Variants in ATP2B4 observed in about 807,000 individuals in gnomAD.
ATP2B4 encodes plasma membrane calcium-transporting ATPase 4.
ATP2B4 carries 39 observed loss-of-function variants against 110.3 expected under a neutral mutation model. The observed-to-expected ratio is 0.35, with a 90% CI of 0.27 to 0.46. The LOEUF (loss-of-function observed/expected upper bound fraction) is 0.46, where lower values mean the gene tolerates loss of function less well. ATP2B4 is among the 20% of genes least tolerant of loss of function. The probability of loss-of-function intolerance (pLI) is 1.00; values close to 1 mark genes in which losing one functional copy is unlikely to be tolerated. For synonymous variants in ATP2B4, 538 were observed against 571.7 expected (o/e 0.94, Z 0.84); for missense variants, 1,135 against 1,530.9 (o/e 0.74, Z 4.32).
At chr1:203,709,087 G>A (rs911656350) in intron 10 of ATP2B4, among the ~76,000 whole-genome samples, 5 of 152,156 alleles carry the variant, frequency 3.3e-5, no homozygotes, top group Non-Finnish European at 5.9e-5. Context: ...AACCTGGGAG[G>A]TGGAGGTTGC....
intron 1 of ATP2B4, among the ~76,000 whole-genome samples, chr1:203,678,997 T>C (rs1003565743): frequency 2.0e-5 from 3 of 152,214 alleles, no homozygotes; most frequent in African/African-American, 4.8e-5. Context: ...TTAATGATCA[T>C]GTAAAGCATT....
At chr1:203,735,863 T>C (rs1010391872) in intron 20 of ATP2B4, among the ~76,000 whole-genome samples, 6 of 152,136 alleles carry the variant, frequency 3.9e-5, no homozygotes, top group African/African-American at 1.4e-4. Flanking sequence ...GATATCCTGA[T>C]GGTTTGATGG....
chr1:203,695,315 G>A (rs941403941), intron 2 of ATP2B4, among the ~76,000 whole-genome samples: 1 of 152,222 alleles, frequency 6.6e-6, no homozygotes, highest in East Asian at 1.9e-4. Context: ...GCAAGGCCCT[G>A]CCCCTTTGGC....
At chr1:203,676,356 A>T (rs1424681664) in intron 1 of ATP2B4, among the ~76,000 whole-genome samples, 1 of 151,866 alleles carries the variant, frequency 6.6e-6, no homozygotes, top group Admixed American at 6.6e-5. Context: ...GACCTGAGGG[A>T]TTGGAAGTGG....
At chr1:203,672,324 CTTTTTTTTTTTTTTT>C (rs57144862) in intron 1 of ATP2B4, among the ~76,000 whole-genome samples, 13 of 79,612 alleles carry the variant, frequency 1.6e-4, no homozygotes, top group African/African-American at 2.3e-4. Flanking sequence ...TGCGGTGGCT[CTTTTTTTTTTTTTTT>C]TTTTTTTTTT....
chr1:203,635,712 C>T (rs1384172362), intron 1 of ATP2B4, among the ~76,000 whole-genome samples: 1 of 152,000 alleles, frequency 6.6e-6, no homozygotes, highest in Non-Finnish European at 1.5e-5. Context: ...TTTTTTTCAA[C>T]CTTTCAGGTT....
intron 8 of ATP2B4, among the ~76,000 whole-genome samples, chr1:203,705,235 C>T (rs994188051): frequency 1.3e-5 from 2 of 152,232 alleles, no homozygotes; most frequent in African/African-American, 2.4e-5. Context: ...TCTTCATGTC[C>T]ATTCTGGTAC....
At position 203,709,408 on chromosome 1, in the gene ATP2B4, T is replaced by C. The variant is rs74402274; in HGVS notation, c.1665T>C (p.Asn555=). Reference sequence around the variant, plus strand: ...AGCAGGATTATCAGGCTGTGCGTAATGAAGTGCCCGAGGAGAAGCTCTACA... The same window carrying C: ...AGCAGGATTATCAGGCTGTGCGTAACGAAGTGCCCGAGGAGAAGCTCTACA... ...DLKQDYQAVR[N]EVPEEKLYKV... is the part of the protein sequence containing the mutation. The change falls in exon 11 of 21, where the codon AAT becomes AAC. Residue 555 remains asparagine, a synonymous_variant. Coordinates refer to ENST00000357681, the MANE Select transcript of ATP2B4 (RefSeq NM_001684.5). 4,823 of 1,614,186 alleles carry C rather than the reference T, an allele frequency of 3.0e-3. 129 individuals are homozygous for C. The African/African-American group carries it at 0.056, about 19-fold the overall frequency.
At position 203,683,038 on chromosome 1, in the gene ATP2B4, G is replaced by A. The variant is rs1217558832; in HGVS notation, c.-168G>A. On this transcript the variant is annotated 5_prime_UTR_variant, in exon 2 of 21. Coordinates refer to ENST00000357681, the MANE Select transcript of ATP2B4 (RefSeq NM_001684.5). ...GGAAGAAAGGATCTAGACTTCGGAC[G>A]GCTACTCGGGAGCTTATTGCACAAG... 14 of 643,598 alleles carry A rather than the reference G, an allele frequency of 2.2e-5. No individual in the cohort carries two copies. In the East Asian group the frequency reaches 3.4e-4, roughly 16 times the overall value. 39.9% of individuals were successfully genotyped at this position (643,598 alleles called of 1,614,324 possible). A position where few individuals can be genotyped will look rare whatever the true frequency, so the allele number is the denominator to read the frequency against.
At position 203,683,084 on chromosome 1, in the gene ATP2B4, C is replaced by G; in HGVS notation, c.-122C>G. 1 of 1,112,204 alleles carries G rather than the reference C, an allele frequency of 9.0e-7. No homozygotes were observed. The highest frequency in any genetic ancestry group is 1.3e-6 in the Non-Finnish European group (1 of 775,150). 68.9% of individuals were successfully genotyped at this position (1,112,204 alleles called of 1,614,324 possible). A position where few individuals can be genotyped will look rare whatever the true frequency, so the allele number is the denominator to read the frequency against. The stretch of plus-strand genomic sequence containing the variant: ...ACAAGATATATTCAATCTATTCCCT[C>G]ACTGGGCCCCCAGAGAAGCAAGAAG... On this transcript the variant is annotated 5_prime_UTR_variant, in exon 2 of 21. Transcript: ENST00000357681.
In ATP2B4 at chr1:203,675,517, C is replaced by T. The variant is rs141216717; in HGVS notation, c.-464-7225C>T. On this transcript the variant is annotated intron_variant, in intron 1 of 20. Coordinates refer to ENST00000357681, the MANE Select transcript of ATP2B4 (RefSeq NM_001684.5). ...GTAGCCAGGACTAGATGACTGGGTC[C>T]ACAGCATGCATAGATGTAGTTTGAC... Among the ~76,000 whole-genome samples, 7 of 152,296 alleles carry T rather than the reference C, an allele frequency of 4.6e-5. No homozygotes were observed. The East Asian group carries it at 1.4e-3, about 29-fold the overall frequency.
In ATP2B4 at chr1:203,711,024, G is replaced by C; in HGVS notation, c.1947G>C (p.Glu649Asp). ...CTTACCGGGACTTCGATGACACAGA[G>C]CCCTCTTGGGACAATGAGAATGAGA... is the stretch of plus-strand genomic sequence containing the variant. ...CIAYRDFDDTEPSWDNENEIL... is the reference protein window; with the variant it reads ...CIAYRDFDDTDPSWDNENEIL... The change falls in exon 12 of 21, where the codon GAG becomes GAC. Residue 649 changes from glutamate (E) to aspartate (D), a missense_variant. Glu to Asp is a conservative substitution (Grantham distance 45, BLOSUM62 2). Coordinates refer to ENST00000357681, the MANE Select transcript of ATP2B4 (RefSeq NM_001684.5). 6.2e-7 allele frequency: 1 copy of C among 1,614,096 alleles called. No homozygotes were observed. The highest frequency in any genetic ancestry group is 1.1e-5 in the South Asian group (1 of 91,072).
chr1:203,711,955 C>A lies in ATP2B4; in HGVS notation c.2032-5C>A. The A allele has an allele frequency of 6.2e-7, 1 of 1,613,892 alleles. No individual in the cohort carries two copies. Among genetic ancestry groups the A allele is most frequent in the Non-Finnish European group, 8.5e-7 (1 of 1,179,854 alleles). ...GCGCCTTTCCCCTTTCTTCACTCTC[C>A]ATAGGTGCCAGATGCTATTGCCAAA... On this transcript the variant is annotated splice_polypyrimidine_tract_variant and splice_region_variant and intron_variant, in intron 12 of 20. Transcript: ENST00000357681.
At chr1:203,738,911 G>A (rs1283676705) in intron 20 of ATP2B4, among the ~76,000 whole-genome samples, 1 of 152,150 alleles carries the variant, frequency 6.6e-6, no homozygotes, top group Non-Finnish European at 1.5e-5. Context: ...TGGCTGAAAG[G>A]GCAAATTATT....
At position 203,683,062 on chromosome 1, in the gene ATP2B4, A is replaced by G; in HGVS notation, c.-144A>G. On this transcript the variant is annotated 5_prime_UTR_variant, in exon 2 of 21. Coordinates refer to ENST00000357681, the MANE Select transcript of ATP2B4 (RefSeq NM_001684.5). ...CGGCTACTCGGGAGCTTATTGCACA[A>G]GATATATTCAATCTATTCCCTCACT... is the stretch of plus-strand genomic sequence containing the variant. 1.1e-6 allele frequency: 1 copy of G among 875,870 alleles called. No individual in the cohort carries two copies. Among genetic ancestry groups the G allele is most frequent in the South Asian group, 1.8e-5 (1 of 55,256 alleles). The allele number at this position is 875,870 out of a possible 1,614,324, so 54.3% of individuals were successfully genotyped here.
intron 19 of ATP2B4, 119 bp downstream of exon 19, chr1:203,724,107 T>G: frequency 2.6e-6 from 2 of 761,112 alleles, no homozygotes; most frequent in Non-Finnish European, 4.1e-6. Flanking sequence ...TCTTCTCCTC[T>G]TCCCTCCCCA....
intron 1 of ATP2B4, among the ~76,000 whole-genome samples, chr1:203,638,244 G>A (rs1291902988): frequency 2.0e-5 from 3 of 152,162 alleles, no homozygotes; most frequent in Non-Finnish European, 4.4e-5. Context: ...CTCGCTGGAA[G>A]GCCTCCAGCC....
intron 1 of ATP2B4, among the ~76,000 whole-genome samples, chr1:203,650,101 A>G (rs1164178212): frequency 2.6e-5 from 4 of 152,224 alleles, no homozygotes; most frequent in African/African-American, 7.2e-5. Flanking sequence ...GAACCAGCCC[A>G]GTTTTTGCCC....
Position 203,703,721 on chromosome 1 carries a change from A to C in ATP2B4, c.1007A>C (p.Glu336Ala). Residue 336 changes from glutamate (E) to alanine (A), a missense_variant, in exon 8 of 21, where the codon GAA becomes GCA. Coordinates refer to ENST00000357681, the MANE Select transcript of ATP2B4 (RefSeq NM_001684.5). ...LNSQEGIDNE[E>A]KDKKAVKVPK... ...AGCCAGGAGGGAATCGACAATGAGG[A>C]AAAGGACAAGAAGGCAGTCAAGGTG... 1.9e-6 allele frequency: 3 copies of C among 1,614,158 alleles called. No individual in the cohort carries two copies. In the South Asian group the frequency reaches 3.3e-5, roughly 18 times the overall value.
Sources: allele counts gnomAD v4.1 joint callset (sites outside exome capture counted in the v4.1 genomes callset), GRCh38; gene constraint gnomAD v4.1.1; transcripts MANE v1.5; gene names NCBI Gene and HGNC (gene_info 2026-07-23, HGNC 2026-07-21).